The following ACOT12 variants were observed in gnomAD, a reference collection of about 807,000 sequenced individuals.
The protein encoded by ACOT12 is acyl-CoA thioesterase 12, also known as acetyl-coenzyme A thioesterase.
Under a neutral mutation model 67.7 loss-of-function variants are expected in ACOT12, and 51 were observed. The ratio of observed to expected loss-of-function variants is 0.75; its 90% confidence interval spans 0.60 to 0.95. ACOT12 has a LOEUF of 0.95. Among genes scored for constraint, ACOT12 ranks in the 40% least tolerant of loss-of-function variants. The probability of loss-of-function intolerance (pLI) is 0.00; values close to 1 mark genes in which losing one functional copy is unlikely to be tolerated. For synonymous variants in ACOT12, 251 were observed against 244.6 expected (o/e 1.03, Z -0.24); for missense variants, 734 against 708.1 (o/e 1.04, Z -0.41).
In ACOT12 at chr5:81,330,482, C is replaced by T. The variant is rs1387617833; in HGVS notation, c.1580G>A (p.Gly527Asp). ...TGTTTCTTCAATGGATTTTGACCAG[C>T]CACCAAGATTTCCAGCAAAGTAAGG... ...ILPYFAGNLG[G>D]WSKSIEETAA... The change falls in exon 15 of 15, where the codon GGC becomes GAC. Residue 527 changes from glycine to aspartate, a missense_variant. Physicochemically the swap from Gly to Asp is moderately conservative, Grantham distance 94 (BLOSUM62 -1). Coordinates refer to ENST00000307624, the MANE Select transcript of ACOT12 (RefSeq NM_130767.3). 2 of 1,613,934 alleles carry T rather than the reference C, an allele frequency of 1.2e-6. No individual in the cohort carries two copies. Among genetic ancestry groups the T allele is most frequent in the East Asian group, 2.2e-5 (1 of 44,878 alleles).
intron 11 of ACOT12, among the ~76,000 whole-genome samples, chr5:81,338,382 G>A (rs1448346837): frequency 6.6e-6 from 1 of 152,140 alleles, no homozygotes; most frequent in African/African-American, 2.4e-5. Flanking sequence ...TCTTGTGATA[G>A]TGAGTGAGTT....
rs776472585 is a variant in ACOT12, at chr5:81,344,176, G to A, written c.964C>T (p.Arg322Ter). 10 of 1,613,640 alleles carry A rather than the reference G, an allele frequency of 6.2e-6. No homozygotes were observed. Among genetic ancestry groups the A allele is most frequent in the Admixed American group, 3.3e-5 (2 of 59,976 alleles). ...GTTCCTTACCTGCCTAGGCGAATTC[G>A]CTTGCGTGCAATAGCTCCCCGATAG... ...RRYRGAIARK[R>*]IRLGRKYVIS... The change falls in exon 9 of 15, where the codon CGA becomes TGA. Residue 322 changes from arginine (R) to a stop codon, truncating the protein, a stop_gained. Transcript: ENST00000307624. LOFTEE classifies it high-confidence loss of function.
At position 81,330,914 on chromosome 5, in the gene ACOT12, G is replaced by C; in HGVS notation, c.1418C>G (p.Ser473Trp). 1 of 1,611,856 alleles carries C rather than the reference G, an allele frequency of 6.2e-7. No individual in the cohort carries two copies. The highest frequency in any genetic ancestry group is 8.5e-7 in the Non-Finnish European group (1 of 1,179,160). ...DGNTYTVAVK[S>W]VILPSVPPSP... Reference sequence around the variant, plus strand: ...CGGGGGGACCGATGGCAAAATGACCGACTTCACTGCCACTGTGTAAGTGTT... The same window carrying C: ...CGGGGGGACCGATGGCAAAATGACCCACTTCACTGCCACTGTGTAAGTGTT... The change falls in exon 14 of 15, where the codon TCG becomes TGG. Residue 473 changes from serine (S) to tryptophan (W), a missense_variant. Transcript: ENST00000307624.
At chr5:81,324,082 C>T in the ACOT12 span, among the ~76,000 whole-genome samples, 1 of 151,988 alleles carries the variant, frequency 6.6e-6, no homozygotes, top group Non-Finnish European at 1.5e-5. Context: ...GCTGGGATTA[C>T]AGGCATGTGC....
chr5:81,349,060 C>G (rs1429808424), intron 5 of ACOT12, among the ~76,000 whole-genome samples: 1 of 152,192 alleles, frequency 6.6e-6, no homozygotes, highest in Non-Finnish European at 1.5e-5. Context: ...GATTTACAAA[C>G]TGGGACACCA....
Position 81,362,770 on chromosome 5 carries a change from T to C in ACOT12, c.360+1018A>G, listed in dbSNP as rs376384212. 9.8e-5 allele frequency among the ~76,000 whole-genome samples: 15 copies of C among 152,292 alleles called. 1 individual carries two copies. In the South Asian group the frequency reaches 3.1e-3, roughly 32 times the overall value. The stretch of plus-strand genomic sequence containing the variant: ...TTTGGCAAAGTACAGATTCCAAGAT[T>C]CCACACTAGTGATTCTAATTTAGTA... On this transcript the variant is annotated intron_variant, in intron 4 of 14. Transcript: ENST00000307624.
Position 81,374,499 on chromosome 5 carries a change from T to C in ACOT12, c.198-2689A>G, listed in dbSNP as rs149740098. 8.8e-3 allele frequency among the ~76,000 whole-genome samples: 1,338 copies of C among 152,222 alleles called. 24 individuals carry two copies. Among genetic ancestry groups the C allele is most frequent in the African/African-American group, 0.031 (1,274 of 41,544 alleles). On this transcript the variant is annotated intron_variant, in intron 2 of 14. Transcript: ENST00000307624. ...CTGGATGGAGAATGAGTTTGATGAA[T>C]TGACAGAAGAAGGCTTCAGAAGGTA...
chr5:81,310,894 T>C, the ACOT12 span, among the ~76,000 whole-genome samples: 70,373 of 152,034 alleles, frequency 0.46, 17,114 homozygotes, highest in Admixed American at 0.58. Context: ...AGACTCTTGA[T>C]TGTCTAAGCA....
At chr5:81,328,149 A>T (rs865899812), downstream of ACOT12, among the ~76,000 whole-genome samples, 1 of 152,112 alleles carries the variant, frequency 6.6e-6, no homozygotes, top group African/African-American at 2.4e-5. Flanking sequence ...TGCTGCATCC[A>T]GAGATCCTCA....
At chr5:81,393,543 G>GCAAAA (rs1760917811) in intron 1 of ACOT12, among the ~76,000 whole-genome samples, 1 of 151,906 alleles carries the variant, frequency 6.6e-6, no homozygotes, top group Non-Finnish European at 1.5e-5. Flanking sequence ...CTCTACAAAA[G>GCAAAA]CAAAACAAAA....
chr5:81,386,995 ATTTTTTTTTTT>A (rs869281800), intron 1 of ACOT12, among the ~76,000 whole-genome samples: 3 of 81,334 alleles, frequency 3.7e-5, no homozygotes, highest in Non-Finnish European at 8.0e-5. Context: ...GATGAGTTCC[ATTTTTTTTTTT>A]TTTTTTTTTT....
At chr5:81,383,188 G>T (rs184569792) in intron 2 of ACOT12, among the ~76,000 whole-genome samples, 266 of 152,202 alleles carry the variant, frequency 1.7e-3, no homozygotes, top group African/African-American at 6.0e-3. Flanking sequence ...GACCAGCCTG[G>T]CCAACATGGC....
Position 81,347,797 on chromosome 5 carries a change from C to T in ACOT12, c.630G>A (p.Glu210=), listed in dbSNP as rs1050161774. 6.2e-7 allele frequency: 1 copy of T among 1,614,038 alleles called. No homozygotes were observed. Among genetic ancestry groups the T allele is most frequent in the African/African-American group, 1.3e-5 (1 of 74,942 alleles). ...ACCTTGCAGAAATAGTAGCCACTGT[C>T]TCCATCCACGCCATAATCTGGCCAC... is the stretch of plus-strand genomic sequence containing the variant. The part of the protein sequence containing the change: ...TFGGQIMAWM[E]TVATISASRL... Residue 210 remains glutamate (E), a synonymous_variant, in exon 6 of 15, where the codon GAG becomes GAA. Coordinates refer to ENST00000307624, the MANE Select transcript of ACOT12 (RefSeq NM_130767.3).
intron 1 of ACOT12, among the ~76,000 whole-genome samples, chr5:81,387,757 C>CT (rs1463156079): frequency 6.6e-6 from 1 of 152,090 alleles, no homozygotes; most frequent in African/African-American, 2.4e-5. Context: ...TTTGCCCAAG[C>CT]TGGTCCCAAA....
chr5:81,382,049 C>A, intron 2 of ACOT12, among the ~76,000 whole-genome samples: 1 of 152,064 alleles, frequency 6.6e-6, no homozygotes, highest in Admixed American at 6.6e-5. Context: ...TAATTTCAAT[C>A]AAATAAGTTT....
chr5:81,311,150 G>A, the ACOT12 span: 1 of 1,565,052 alleles, frequency 6.4e-7, no homozygotes, highest in Admixed American at 1.7e-5. Context: ...AAAGTGCTTT[G>A]AGATGTTAAA....
chr5:81,345,181 G>GC, intron 7 of ACOT12, 140 bp from the exon 8 acceptor site: 1 of 1,157,032 alleles, frequency 8.6e-7, no homozygotes, highest in Non-Finnish European at 1.2e-6. Context: ...TTTCTTGTTT[G>GC]TTATCAGCAA....
chr5:81,333,106 G>A (rs1758885004), intron 12 of ACOT12, among the ~76,000 whole-genome samples: 1 of 149,566 alleles, frequency 6.7e-6, no homozygotes, highest in Non-Finnish European at 1.5e-5. Context: ...AAAAACGCAA[G>A]AGCTCTTTGA....
At chr5:81,332,081 T>G (rs1292729159) in intron 13 of ACOT12, among the ~76,000 whole-genome samples, 1 of 152,246 alleles carries the variant, frequency 6.6e-6, no homozygotes, top group Admixed American at 6.5e-5. Flanking sequence ...GTCTGGATAC[T>G]CTGATCGACA....
Sources: allele counts gnomAD v4.1 joint callset (sites outside exome capture counted in the v4.1 genomes callset), GRCh38; gene constraint gnomAD v4.1.1; transcripts MANE v1.5; gene names NCBI Gene and HGNC (gene_info 2026-07-23, HGNC 2026-07-21).